Variants in TANC1 observed in about 807,000 individuals in gnomAD.
TANC1 encodes the protein protein TANC1.
In TANC1, 77 loss-of-function variants were observed where a neutral mutation model predicts 149.7. The ratio of observed to expected loss-of-function variants is 0.51; its 90% CI spans 0.43 to 0.62. The LOEUF is 0.62. TANC1 is among the 20% of genes least tolerant of loss of function. The pLI, the probability that TANC1 is intolerant of heterozygous loss-of-function variation, is 0.00. For synonymous variants in TANC1, 854 were observed against 925.0 expected, an observed-to-expected ratio of 0.92 and a Z score of 1.39; for missense variants, 1,985 against 2,321.8, an observed-to-expected ratio of 0.85 and a Z score of 2.98.
At chr2:159,102,820 G>A (rs1171742535) in intron 4 of TANC1, among the ~76,000 whole-genome samples, 1 of 84,164 alleles carries the variant, frequency 1.2e-5, no homozygotes, top group Middle Eastern at 7.1e-3. Context: ...CCAGGTTCAC[G>A]CCATTCTCCT....
At chr2:159,069,815 C>A (rs867814112) in intron 3 of TANC1, among the ~76,000 whole-genome samples, 1 of 140,154 alleles carries the variant, frequency 7.1e-6, no homozygotes, top group Non-Finnish European at 1.5e-5. Flanking sequence ...GTCACCCAGG[C>A]TGGAGTGCAG....
rs55746240 is a variant in TANC1 at position 159,019,653 on chromosome 2, G to GT, written c.-16+18497dup. Among the ~76,000 whole-genome samples the GT allele has an allele frequency of 2.9e-3, 215 of 73,280 alleles. 14 individuals are homozygous for GT. The highest frequency in any genetic ancestry group is 5.9e-3 in the African/African-American group (104 of 17,700). 48.1% of individuals were successfully genotyped at this position (73,280 alleles called of 152,430 possible). ...CCTAACTGCAGCTTGCTTTCTTTCT[G>GT]TTTTTTTTTTTTTTTTTTTTTTTTT... On this transcript the variant is annotated intron_variant, in intron 2 of 26. Transcript: ENST00000263635.
At chr2:159,122,239 A>AT (rs1227247638) in intron 4 of TANC1, among the ~76,000 whole-genome samples, 3 of 152,154 alleles carry the variant, frequency 2.0e-5, no homozygotes, top group Non-Finnish European at 2.9e-5. Flanking sequence ...TTCCTGGCCT[A>AT]TTTTTTAAAA....
chr2:159,056,054 A>G, intron 2 of TANC1: 1 of 317,450 alleles, frequency 3.2e-6, no homozygotes. Context: ...TTCAAGAAGC[A>G]GTCAGACTGC....
rs577636061 is a variant in TANC1, at chr2:159,144,296, G to A, written c.365-4846G>A. ...TGAAAATTTTGAAGGTAACCTGCATGATAACTATGTTTTGGTATTGCAGAC... is the reference window on the plus strand; with the variant it reads ...TGAAAATTTTGAAGGTAACCTGCATAATAACTATGTTTTGGTATTGCAGAC... On this transcript the variant is annotated intron_variant, in intron 5 of 26. Coordinates refer to ENST00000263635, the MANE Select transcript of TANC1 (RefSeq NM_033394.3). 2.6e-5 allele frequency among the ~76,000 whole-genome samples: 4 copies of A among 152,322 alleles called. No homozygotes were observed. In the South Asian group the frequency reaches 8.3e-4, roughly 32 times the overall value.
intron 2 of TANC1, chr2:159,027,050 C>A (rs75737624): frequency 0.046 from 6,976 of 151,776 alleles, 500 homozygotes; most frequent in African/African-American, 0.16. Context: ...ACATGGAATG[C>A]TTCATGAATT....
chr2:159,064,148 CA>C (rs1240428764), intron 2 of TANC1, among the ~76,000 whole-genome samples: 2 of 152,132 alleles, frequency 1.3e-5, no homozygotes, highest in African/African-American at 4.8e-5. Context: ...CTTTTACTAC[CA>C]TTTTTTTATA....
intron 4 of TANC1, among the ~76,000 whole-genome samples, chr2:159,119,910 T>C (rs1294912823): frequency 6.6e-6 from 1 of 152,212 alleles, no homozygotes; most frequent in Non-Finnish European, 1.5e-5. Flanking sequence ...ATGGAAAGCA[T>C]GTGCTTGCCA....
chr2:159,195,023 A>C (rs1394327021), intron 17 of TANC1, among the ~76,000 whole-genome samples: 7 of 152,204 alleles, frequency 4.6e-5, no homozygotes, highest in African/African-American at 1.7e-4. Context: ...TCTTATCTGT[A>C]AAATGGGCAT....
Position 159,135,540 on chromosome 2 carries a change from G to C in TANC1, c.260-654G>C, listed in dbSNP as rs955511891. On this transcript the variant is annotated intron_variant, in intron 4 of 26. Transcript: ENST00000263635. ...TCCATCCAGTCTTACGAAGAATTCC[G>C]GATTTTCTGATAATAAGCAGGGGCT... Among the ~76,000 whole-genome samples the C allele has an allele frequency of 3.3e-5, 5 of 152,214 alleles. No homozygotes were observed. In the East Asian group the frequency reaches 9.6e-4, roughly 29 times the overall value.
At chr2:159,035,843 A>G (rs577906278) in intron 2 of TANC1, among the ~76,000 whole-genome samples, 1 of 152,260 alleles carries the variant, frequency 6.6e-6, no homozygotes, top group Admixed American at 6.5e-5. Context: ...GCCCTTACAG[A>G]AGTTTTATAA....
chr2:159,102,274 A>T (rs960600049), intron 4 of TANC1, among the ~76,000 whole-genome samples: 1 of 151,814 alleles, frequency 6.6e-6, no homozygotes, highest in Non-Finnish European at 1.5e-5. Context: ...TGCTTGTGTC[A>T]CTTAAGTTTT....
chr2:159,008,936 G>C (rs2037491549), intron 2 of TANC1, among the ~76,000 whole-genome samples: 1 of 152,026 alleles, frequency 6.6e-6, no homozygotes, highest in South Asian at 2.1e-4. Flanking sequence ...TAATAAATAT[G>C]AATTTAAATT....
At chr2:159,064,797 T>C (rs181019566) in intron 2 of TANC1, among the ~76,000 whole-genome samples, 5 of 152,294 alleles carry the variant, frequency 3.3e-5, no homozygotes, top group African/African-American at 9.6e-5. Flanking sequence ...TGAGAGGTGG[T>C]GTGTGGTGTG....
chr2:159,026,824 G>A (rs2039382368), intron 2 of TANC1, among the ~76,000 whole-genome samples: 1 of 152,126 alleles, frequency 6.6e-6, no homozygotes, highest in African/African-American at 2.4e-5. Flanking sequence ...ACCCCATGAA[G>A]GGTGCCTGGG....
rs565835316 is a variant in TANC1, at chr2:159,098,764, G to T, written c.259+930G>T. Among the ~76,000 whole-genome samples, 6 of 152,026 alleles carry T rather than the reference G, an allele frequency of 3.9e-5. No individual in the cohort carries two copies. In the South Asian group the frequency reaches 1.2e-3, roughly 32 times the overall value. ...AAAAAACAAAACAGAACTTTGAGAG[G>T]TTATGATTCACATGTGAGGAAAGCC... On this transcript the variant is annotated intron_variant, in intron 4 of 26. Coordinates refer to ENST00000263635, the MANE Select transcript of TANC1 (RefSeq NM_033394.3).
intron 4 of TANC1, among the ~76,000 whole-genome samples, chr2:159,102,822 C>A (rs2046871022): frequency 1.1e-5 from 1 of 91,164 alleles, no homozygotes; most frequent in South Asian, 4.0e-4. Context: ...AGGTTCACGC[C>A]ATTCTCCTGC....
chr2:159,063,036 AC>A (rs1331787166), intron 2 of TANC1, among the ~76,000 whole-genome samples: 2 of 151,018 alleles, frequency 1.3e-5, no homozygotes, highest in Non-Finnish European at 3.0e-5. Flanking sequence ...AAGCTGGAGT[AC>A]CGATTTGTTA....
intron 8 of TANC1, among the ~76,000 whole-genome samples, chr2:159,164,866 A>G (rs934014954): frequency 1.2e-4 from 19 of 152,206 alleles, no homozygotes; most frequent in African/African-American, 4.6e-4. Flanking sequence ...TTGTTCCAGA[A>G]GAGGGATTTG....
Sources: allele counts gnomAD v4.1 joint callset (sites outside exome capture counted in the v4.1 genomes callset), GRCh38; gene constraint gnomAD v4.1.1; transcripts MANE v1.5; gene names NCBI Gene and HGNC (gene_info 2026-07-23, HGNC 2026-07-21).